NF1: variants seen among roughly 807,000 people sequenced by gnomAD.
NF1 encodes neurofibromin 1.
A neutral mutation model predicts 325.7 loss-of-function variants in NF1; 122 were observed. The ratio of observed to expected loss-of-function variants is 0.37; its 90% CI spans 0.32 to 0.44. The LOEUF is 0.44. Among genes scored for constraint, NF1 ranks in the 20% least tolerant of loss-of-function variants. NF1 has a pLI of 1.00. For synonymous variants in NF1, 1,091 were observed against 1,186.0 expected (o/e 0.92, Z 1.65); for missense variants, 2,140 against 3,415.4 (o/e 0.63, Z 9.31).
intron 49 of NF1, 46 bp downstream of exon 49, chr17:31,349,297 T>A (rs2070081640): frequency 6.3e-7 from 1 of 1,592,302 alleles, no homozygotes; most frequent in South Asian, 1.1e-5. Context: ...CATCTATATA[T>A]AAGGATCACC....
At chr17:31,207,343 T>A (rs1189754845) in intron 12 of NF1, among the ~76,000 whole-genome samples, 1 of 152,172 alleles carries the variant, frequency 6.6e-6, no homozygotes, top group Non-Finnish European at 1.5e-5. Context: ...AAGTTAGTCA[T>A]TTCACAGTTA....
At chr17:31,340,278 C>T in intron 46 of NF1, 1 of 560,132 alleles carries the variant, frequency 1.8e-6, no homozygotes, top group Non-Finnish European at 3.2e-6. Context: ...AATCAAAGAA[C>T]AGGGAGAAGT....
Position 31,095,145 on chromosome 17 carries a change from C to A in NF1, c.-165C>A. 3.6e-6 allele frequency: 2 copies of A among 552,382 alleles called. No homozygotes were observed. Among genetic ancestry groups the A allele is most frequent in the South Asian group, 3.9e-5 (2 of 51,922 alleles). 34.2% of individuals were successfully genotyped at this position (552,382 alleles called of 1,614,324 possible). ...CCCCTTTCCCTCTCCCCCTCCCGCTCGGCGCTGACCCCCCATCCCCACCCC... is the reference window on the plus strand; with the variant it reads ...CCCCTTTCCCTCTCCCCCTCCCGCTAGGCGCTGACCCCCCATCCCCACCCC... On this transcript the variant is annotated 5_prime_UTR_variant, in exon 1 of 58. Coordinates refer to ENST00000358273, the MANE Select transcript of NF1 (RefSeq NM_001042492.3).
At chr17:31,108,763 A>G (rs960397486) in intron 1 of NF1, among the ~76,000 whole-genome samples, 3 of 152,218 alleles carry the variant, frequency 2.0e-5, no homozygotes, top group African/African-American at 7.2e-5. Flanking sequence ...AAACAACTCA[A>G]TTAGGAATCA....
chr17:31,291,236 C>A (rs1429118653), intron 36 of NF1, among the ~76,000 whole-genome samples: 1 of 152,090 alleles, frequency 6.6e-6, no homozygotes, highest in East Asian at 1.9e-4. Context: ...GTTCCAGGTG[C>A]TGACTAAATA....
chr17:31,168,648 G>A (rs958439565), intron 4 of NF1, among the ~76,000 whole-genome samples: 3 of 152,016 alleles, frequency 2.0e-5, no homozygotes, highest in African/African-American at 7.2e-5. Flanking sequence ...GCTGGGGGGG[G>A]ACAAGAATAC....
chr17:31,195,119 T>C (rs746378480), intron 8 of NF1, among the ~76,000 whole-genome samples: 1 of 152,100 alleles, frequency 6.6e-6, no homozygotes, highest in Non-Finnish European at 1.5e-5. Flanking sequence ...TGCTTATCAT[T>C]AGTTTTAAAG....
intron 36 of NF1, chr17:31,314,321 GAA>G (rs2068965717): frequency 4.3e-6 from 1 of 233,266 alleles, no homozygotes; most frequent in Non-Finnish European, 8.2e-6. Flanking sequence ...GTCCCGAAGA[GAA>G]AATTACATGT....
chr17:31,268,018 G>A (rs1459283397), intron 36 of NF1, among the ~76,000 whole-genome samples: 1 of 152,138 alleles, frequency 6.6e-6, no homozygotes, highest in Non-Finnish European at 1.5e-5. Context: ...ATGAATTAGC[G>A]CAGAGCCTAC....
At chr17:31,265,817 A>G (rs910318002) in intron 36 of NF1, among the ~76,000 whole-genome samples, 12 of 152,192 alleles carry the variant, frequency 7.9e-5, no homozygotes, top group African/African-American at 2.9e-4. Context: ...AAGATGGTGC[A>G]AGGGGTGGCC....
chr17:31,266,842 A>T (rs1597754890), intron 36 of NF1, among the ~76,000 whole-genome samples: 2 of 151,996 alleles, frequency 1.3e-5, no homozygotes, highest in Admixed American at 1.3e-4. Context: ...CCTTAGTGAG[A>T]TTCAATCAGT....
intron 45 of NF1, among the ~76,000 whole-genome samples, 154 bp from the exon 46 acceptor site, chr17:31,338,550 A>G (rs936077054): frequency 5.3e-5 from 8 of 152,196 alleles, no homozygotes; most frequent in Admixed American, 5.2e-4. Context: ...AAACAAATGT[A>G]CATTAAGCTA....
chr17:31,136,046 C>G (rs1283502874), intron 1 of NF1, among the ~76,000 whole-genome samples: 1 of 151,882 alleles, frequency 6.6e-6, no homozygotes, highest in African/African-American at 2.4e-5. Flanking sequence ...TTTGAAAATA[C>G]AGGGCCAGCG....
At chr17:31,220,599 C>G (rs1336447210) in intron 14 of NF1, among the ~76,000 whole-genome samples, 1 of 151,884 alleles carries the variant, frequency 6.6e-6, no homozygotes, top group Non-Finnish European at 1.5e-5. Flanking sequence ...ACTTGGTGAG[C>G]TGTTAAACAT....
chr17:31,269,757 A>G (rs1348834536), intron 36 of NF1, among the ~76,000 whole-genome samples: 2 of 152,208 alleles, frequency 1.3e-5, no homozygotes, highest in African/African-American at 4.8e-5. Context: ...TCCCAGAGGA[A>G]AAACACCTCT....
At chr17:31,102,850 AT>A (rs1234960476) in intron 1 of NF1, among the ~76,000 whole-genome samples, 3,037 of 140,070 alleles carry the variant, frequency 0.022, 47 homozygotes, top group Non-Finnish European at 0.034. Context: ...CTTCTTCTTC[AT>A]TTTTTTTTTT....
At chr17:31,104,059 GT>G (rs1912626563) in intron 1 of NF1, among the ~76,000 whole-genome samples, 1 of 151,690 alleles carries the variant, frequency 6.6e-6, no homozygotes, top group African/African-American at 2.4e-5. Context: ...TTTGTTTTTC[GT>G]TTTTTATTTG....
At chr17:31,162,598 C>T (rs1020712213) in intron 3 of NF1, among the ~76,000 whole-genome samples, 1 of 152,088 alleles carries the variant, frequency 6.6e-6, no homozygotes, top group Non-Finnish European at 1.5e-5. Flanking sequence ...TTTATTTTTC[C>T]TTGGTGTGTT....
intron 4 of NF1, among the ~76,000 whole-genome samples, chr17:31,169,055 G>A (rs1358981095): frequency 6.6e-6 from 1 of 152,022 alleles, no homozygotes; most frequent in Non-Finnish European, 1.5e-5. Context: ...TACCCATGAA[G>A]TTTTTTCTTT....
Sources: gnomAD v4.1 joint callset for allele counts (sites outside exome capture counted in the v4.1 genomes callset) on GRCh38, gnomAD v4.1.1 for gene constraint, MANE v1.5 for transcripts, NCBI Gene and HGNC (gene_info 2026-07-23, HGNC 2026-07-21) for gene names.